The following ADGRL3 variants were observed in gnomAD, a reference collection of about 807,000 sequenced individuals.
ADGRL3 encodes adhesion G protein-coupled receptor L3.
In ADGRL3, 62 loss-of-function variants were observed where a neutral mutation model predicts 153.5. That is an observed-to-expected ratio of 0.40 (90% CI 0.33 to 0.50). The LOEUF (loss-of-function observed/expected upper bound fraction) is 0.50. Ranked by LOEUF, ADGRL3 falls within the 20% of genes least tolerant of loss-of-function variation. ADGRL3 has a pLI of 0.47. For missense variants in ADGRL3, 1,641 were observed against 1,859.4 expected (o/e 0.88, Z 2.16); for synonymous variants, 710 against 672.5 (o/e 1.06, Z -0.86).
chr4:61,592,433 T>C (rs77976800), intron 5 of ADGRL3, among the ~76,000 whole-genome samples: 1,644 of 152,292 alleles, frequency 0.011, 27 homozygotes, highest in African/African-American at 0.037. Context: ...AACTTTTCCA[T>C]TGAATCCACA....
intron 1 of ADGRL3, among the ~76,000 whole-genome samples, chr4:61,258,313 C>T (rs942892820): frequency 6.6e-6 from 1 of 152,180 alleles, no homozygotes; most frequent in African/African-American, 2.4e-5. Context: ...TCTCTACATA[C>T]AGCTCTTGCT....
chr4:61,823,800 G>A (rs540660556), intron 9 of ADGRL3, among the ~76,000 whole-genome samples: 182 of 152,248 alleles, frequency 1.2e-3, no homozygotes, highest in Middle Eastern at 3.4e-3. Flanking sequence ...GGTGGCTAAC[G>A]CCTGTAATCC....
chr4:61,585,829 T>A (rs896404426), intron 4 of ADGRL3, among the ~76,000 whole-genome samples: 2 of 152,002 alleles, frequency 1.3e-5, no homozygotes, highest in African/African-American at 2.4e-5. Flanking sequence ...GTATAAAAAT[T>A]AAATATATAT....
intron 13 of ADGRL3, among the ~76,000 whole-genome samples, chr4:61,927,826 A>G (rs926856251): frequency 5.9e-5 from 9 of 152,128 alleles, no homozygotes; most frequent in African/African-American, 1.9e-4. Context: ...TTATATCAAG[A>G]AATCAAAGAA....
intron 5 of ADGRL3, among the ~76,000 whole-genome samples, chr4:61,642,763 C>T (rs1283404772): frequency 1.8e-4 from 28 of 152,086 alleles, no homozygotes; most frequent in Middle Eastern, 3.4e-3. Context: ...ATTGACATGG[C>T]GATGTGGGCT....
intron 2 of ADGRL3, among the ~76,000 whole-genome samples, chr4:61,386,678 A>G (rs2096740300): frequency 6.6e-6 from 1 of 152,204 alleles, no homozygotes; most frequent in African/African-American, 2.4e-5. Context: ...TCACATGAGA[A>G]AAATATGGCA....
intron 1 of ADGRL3, among the ~76,000 whole-genome samples, chr4:61,254,638 G>T (rs1158353192): frequency 6.6e-6 from 1 of 152,116 alleles, no homozygotes; most frequent in African/African-American, 2.4e-5. Context: ...GGTTGTACAA[G>T]TGTGAACATG....
Position 61,378,823 on chromosome 4 carries a change from G to A in ADGRL3, c.-239-4301G>A, listed in dbSNP as rs546985953. ...TTAGGTTGTTCTGGGAACCATTTGC[G>A]AGGCAGATTTGAGAGGGGCTTGAAT... On this transcript the variant is annotated intron_variant, in intron 1 of 26. Transcript: ENST00000683033. 1.4e-4 allele frequency among the ~76,000 whole-genome samples: 21 copies of A among 152,064 alleles called. No individual in the cohort carries two copies. The East Asian group carries it at 2.3e-3, about 17-fold the overall frequency.
intron 8 of ADGRL3, among the ~76,000 whole-genome samples, chr4:61,750,487 G>GGACATATATTA (rs2096740517): frequency 6.6e-6 from 1 of 152,182 alleles, no homozygotes; most frequent in South Asian, 2.1e-4. Flanking sequence ...AAAGCAGGAT[G>GGACATATATTA]GACATATATT....
chr4:61,425,341 AC>A (rs2152372656), intron 2 of ADGRL3: 1 of 152,174 alleles, frequency 6.6e-6, no homozygotes, highest in East Asian at 1.9e-4. Flanking sequence ...CGCCCATGGG[AC>A]CCCAAGTCTC....
intron 9 of ADGRL3, among the ~76,000 whole-genome samples, chr4:61,824,814 T>A (rs2148781574): frequency 6.6e-6 from 1 of 152,348 alleles, no homozygotes; most frequent in African/African-American, 2.4e-5. Context: ...ATGTAGAAGA[T>A]ATGTATGATA....
At chr4:61,996,236 T>C in intron 19 of ADGRL3, 55 bp from the exon 20 acceptor site, 1 of 1,105,818 alleles carries the variant, frequency 9.0e-7, no homozygotes, top group Non-Finnish European at 1.4e-6. Context: ...TCACTCTTGA[T>C]GTATGTCCCA....
chr4:61,921,638 C>T (rs1407878717), intron 13 of ADGRL3, among the ~76,000 whole-genome samples: 1 of 152,160 alleles, frequency 6.6e-6, no homozygotes, highest in African/African-American at 2.4e-5. Flanking sequence ...CATCTCCTGA[C>T]CTCGTGATTC....
At chr4:61,702,782 T>A (rs1561090336) in intron 6 of ADGRL3, among the ~76,000 whole-genome samples, 2 of 152,180 alleles carry the variant, frequency 1.3e-5, no homozygotes, top group South Asian at 2.1e-4. Flanking sequence ...ATCATCACTA[T>A]TGCTTTTATT....
At chr4:61,620,071 A>T (rs1020984862) in intron 5 of ADGRL3, among the ~76,000 whole-genome samples, 2 of 151,482 alleles carry the variant, frequency 1.3e-5, no homozygotes, top group African/African-American at 4.8e-5. Flanking sequence ...ATATATATAT[A>T]TATATATGAA....
chr4:61,239,613 C>T (rs1399047380), intron 1 of ADGRL3, among the ~76,000 whole-genome samples: 2 of 151,866 alleles, frequency 1.3e-5, no homozygotes, highest in Admixed American at 6.6e-5. Flanking sequence ...TAAATACAAA[C>T]ACAGAGAAGG....
In ADGRL3 at chr4:61,341,571, A is replaced by G. The variant is rs973577174; in HGVS notation, c.-239-41553A>G. 9.2e-5 allele frequency among the ~76,000 whole-genome samples: 14 copies of G among 151,850 alleles called. No individual in the cohort carries two copies. The South Asian group carries it at 2.1e-3, about 22-fold the overall frequency. On this transcript the variant is annotated intron_variant, in intron 1 of 26. Transcript: ENST00000683033. Reference sequence around the variant, plus strand: ...TTTATGTTATGCACATGTAATGCATAAGATATTCATTTATTTAAAAATAGA... The same window carrying G: ...TTTATGTTATGCACATGTAATGCATGAGATATTCATTTATTTAAAAATAGA...
intron 1 of ADGRL3, among the ~76,000 whole-genome samples, chr4:61,341,621 C>A (rs2151144782): frequency 6.6e-6 from 1 of 151,822 alleles, no homozygotes; most frequent in African/African-American, 2.4e-5. Flanking sequence ...GCAAAATGTT[C>A]TCTTAGATGC....
intron 24 of ADGRL3, among the ~76,000 whole-genome samples, chr4:62,041,284 T>A (rs1264921653): frequency 6.6e-6 from 1 of 152,100 alleles, no homozygotes; most frequent in Non-Finnish European, 1.5e-5. Flanking sequence ...TTTTATAATA[T>A]GCATCAGTCA....
Sources: gnomAD v4.1 joint callset for allele counts (sites outside exome capture counted in the v4.1 genomes callset) on GRCh38, gnomAD v4.1.1 for gene constraint, MANE v1.5 for transcripts, NCBI Gene and HGNC (gene_info 2026-07-23, HGNC 2026-07-21) for gene names.